Variants in CDH10 observed in about 807,000 individuals in gnomAD.
CDH10 encodes cadherin-10.
CDH10 carries 30 observed loss-of-function variants against 73.1 expected under a neutral mutation model. The observed-to-expected ratio is 0.41, with a 90% CI of 0.31 to 0.56. The LOEUF is 0.56. Ranked by LOEUF, CDH10 falls within the 20% of genes least tolerant of loss-of-function variation. CDH10 has a pLI of 0.27. For synonymous variants in CDH10, 345 were observed against 348.2 expected (o/e 0.99, Z 0.10); for missense variants, 815 against 973.7 (o/e 0.84, Z 2.17).
intron 10 of CDH10, among the ~76,000 whole-genome samples, chr5:24,492,254 A>C (rs1206540969): frequency 6.6e-6 from 1 of 152,254 alleles, no homozygotes; most frequent in Non-Finnish European, 1.5e-5. Context: ...TCCAATACTC[A>C]TGAAGAAAAT....
At chr5:24,595,261 T>C (rs1464489464) in intron 1 of CDH10, among the ~76,000 whole-genome samples, 1 of 151,940 alleles carries the variant, frequency 6.6e-6, no homozygotes, top group African/African-American at 2.4e-5. Flanking sequence ...TAAGTACTCC[T>C]GCTTTTACAT....
intron 2 of CDH10, among the ~76,000 whole-genome samples, chr5:24,580,394 C>A (rs929087775): frequency 6.6e-6 from 1 of 152,016 alleles, no homozygotes; most frequent in African/African-American, 2.4e-5. Context: ...AACATGTTTT[C>A]CATTCTCTTA....
At chr5:24,493,589 A>T (rs1391369865) in intron 9 of CDH10, among the ~76,000 whole-genome samples, 2 of 151,908 alleles carry the variant, frequency 1.3e-5, no homozygotes, top group Non-Finnish European at 3.0e-5. Flanking sequence ...TGCTTTGGAC[A>T]TATGATATGA....
chr5:24,491,672 T>C lies in CDH10; in HGVS notation c.1780A>G (p.Asn594Asp), dbSNP rs546962797. 1 of 1,613,988 alleles carries C rather than the reference T, an allele frequency of 6.2e-7. No homozygotes were observed. Among genetic ancestry groups the C allele is most frequent in the Admixed American group, 1.7e-5 (1 of 60,012 alleles). ...IRVCACDSQG[N>D]MQSCSAEALL... ...GCTTCAGCACTGCAGGATTGCATGTTGCCTTGGCTGTCACAAGCACACACT... is the reference window on the plus strand; with the variant it reads ...GCTTCAGCACTGCAGGATTGCATGTCGCCTTGGCTGTCACAAGCACACACT... The change falls in exon 11 of 12, where the codon AAC becomes GAC. Residue 594 changes from asparagine (N) to aspartate (D), a missense_variant. By Grantham distance (23) the Asn-to-Asp change is conservative. Around this residue, in one of 3 missense-constraint regions of CDH10, gnomAD observed 516 missense variants for 636.6 expected, o/e 0.81. Coordinates refer to ENST00000264463, the MANE Select transcript of CDH10 (RefSeq NM_006727.5).
In CDH10 at chr5:24,488,071, G is replaced by A. The variant is rs985566802; in HGVS notation, c.1959C>T (p.Asn653=). The A allele has an allele frequency of 1.2e-6, 2 of 1,613,826 alleles. No homozygotes were observed. The highest frequency in any genetic ancestry group is 1.1e-5 in the South Asian group (1 of 91,068). Residue 653 remains asparagine, a synonymous_variant, in exon 12 of 12, where the codon AAC becomes AAT. Coordinates refer to ENST00000264463, the MANE Select transcript of CDH10 (RefSeq NM_006727.5). ...LILSKEDIRD[N]IVSYNDEGGG... is the part of the protein sequence containing the mutation. The stretch of plus-strand genomic sequence containing the variant: ...CACCCTCATCGTTATAGCTCACAAT[G>A]TTGTCTCTGATATCTTCTTTTGACA...
intron 2 of CDH10, among the ~76,000 whole-genome samples, chr5:24,561,565 TA>T (rs541349585): frequency 6.6e-6 from 1 of 152,276 alleles, no homozygotes; most frequent in South Asian, 2.1e-4. Context: ...GTAGTAATTC[TA>T]CAAGGCATAT....
At chr5:24,515,400 A>G (rs981975397) in intron 5 of CDH10, among the ~76,000 whole-genome samples, 2 of 152,216 alleles carry the variant, frequency 1.3e-5, no homozygotes, top group Non-Finnish European at 2.9e-5. Context: ...TGAGAATGGT[A>G]TTACCCTGAT....
chr5:24,550,409 A>G (rs894342952), intron 2 of CDH10, among the ~76,000 whole-genome samples: 5 of 152,194 alleles, frequency 3.3e-5, no homozygotes, highest in African/African-American at 7.2e-5. Flanking sequence ...TTCCACCACA[A>G]TGGAATGTAA....
intron 1 of CDH10, among the ~76,000 whole-genome samples, chr5:24,596,433 T>C (rs551115808): frequency 1.3e-5 from 2 of 151,968 alleles, no homozygotes; most frequent in Non-Finnish European, 2.9e-5. Context: ...GCAAACAGCA[T>C]ACAATAACTA....
intron 2 of CDH10, among the ~76,000 whole-genome samples, chr5:24,537,907 A>G (rs1744017265): frequency 6.6e-6 from 1 of 152,090 alleles, no homozygotes; most frequent in Non-Finnish European, 1.5e-5. Flanking sequence ...ATGTAATAAA[A>G]TTAAACCAAG....
chr5:24,499,545 G>A (rs1177157511), intron 8 of CDH10: 1 of 152,154 alleles, frequency 6.6e-6, no homozygotes, highest in East Asian at 1.9e-4. Flanking sequence ...AAAATAGCCA[G>A]GTGTTGTGGC....
intron 6 of CDH10, 133 bp from the exon 7 acceptor site, chr5:24,509,952 A>G: frequency 1.7e-6 from 1 of 597,642 alleles, no homozygotes; most frequent in East Asian, 2.9e-5. Flanking sequence ...AAAAAAGACT[A>G]ACACAAATAA....
intron 3 of CDH10, among the ~76,000 whole-genome samples, chr5:24,537,102 T>C (rs1439440375): frequency 6.6e-6 from 1 of 151,932 alleles, no homozygotes; most frequent in African/African-American, 2.4e-5. Context: ...GACAAAAAAA[T>C]TATTTTCACA....
chr5:24,585,686 A>T (rs185785269), intron 2 of CDH10, among the ~76,000 whole-genome samples: 1 of 152,302 alleles, frequency 6.6e-6, no homozygotes, highest in East Asian at 1.9e-4. Context: ...AGCCTCCCAA[A>T]GTGCCGGGAT....
intron 5 of CDH10, among the ~76,000 whole-genome samples, chr5:24,532,236 T>C (rs1387310424): frequency 2.0e-5 from 3 of 152,204 alleles, no homozygotes; most frequent in African/African-American, 4.8e-5. Flanking sequence ...AGTTGTGACC[T>C]AACTTTTATA....
At chr5:24,563,775 CAAAA>C (rs56666966) in intron 2 of CDH10, among the ~76,000 whole-genome samples, 47 of 128,770 alleles carry the variant, frequency 3.6e-4, no homozygotes, top group Middle Eastern at 4.1e-3. Context: ...CCCCCTCCAC[CAAAA>C]AAAAAAAAAA....
chr5:24,584,854 T>C (rs576151330), intron 2 of CDH10, among the ~76,000 whole-genome samples: 2 of 150,642 alleles, frequency 1.3e-5, no homozygotes, highest in African/African-American at 4.9e-5. Context: ...TAGCTTTTTT[T>C]TTTCCCCCCT....
In CDH10 at chr5:24,491,739, A is replaced by T. The variant is rs1579710364; in HGVS notation, c.1713T>A (p.Asn571Lys). The T allele has an allele frequency of 1.9e-6, 3 of 1,613,136 alleles. No individual in the cohort carries two copies. The highest frequency in any genetic ancestry group is 2.5e-6 in the Non-Finnish European group (3 of 1,179,198). Residue 571 changes from asparagine to lysine, a missense_variant, in exon 11 of 12, where the codon AAT (asparagine) becomes AAA (lysine). Asn to Lys is a moderately conservative substitution (Grantham distance 94). Around this residue, in one of 3 missense-constraint regions of CDH10, gnomAD observed 516 missense variants for 636.6 expected, o/e 0.81. Transcript: ENST00000264463. ...CTGTGCTGCTCTGAATTGGGTAATC[A>T]TTGTCTGATATCACCACAGGCAAGA... is the stretch of plus-strand genomic sequence containing the variant. ...TYLLPVVISD[N>K]DYPIQSSTGT... is the part of the protein sequence containing the mutation.
At chr5:24,622,520 C>G (rs2112171819) in intron 1 of CDH10, among the ~76,000 whole-genome samples, 1 of 152,278 alleles carries the variant, frequency 6.6e-6, no homozygotes, top group African/African-American at 2.4e-5. Flanking sequence ...TTATTCAGAT[C>G]ACTCTAGTGT....
Sources: gnomAD v4.1 joint callset for allele counts (sites outside exome capture counted in the v4.1 genomes callset) on GRCh38, gnomAD v4.1.1 for gene constraint, gnomAD v4.1.1 regional missense constraint, MANE v1.5 for transcripts, NCBI Gene and HGNC (gene_info 2026-07-23, HGNC 2026-07-21) for gene names.